Variants in EYS observed in about 807,000 individuals in gnomAD.
EYS encodes protein eyes shut homolog.
A neutral mutation model predicts 282.1 loss-of-function variants in EYS; 250 were observed. The ratio of observed to expected loss-of-function variants is 0.89; its 90% CI spans 0.80 to 0.98. The LOEUF (loss-of-function observed/expected upper bound fraction) is 0.98, where lower values mean the gene tolerates loss of function less well. Ranked by LOEUF, EYS falls within the 50% of genes least tolerant of loss-of-function variation. The probability of loss-of-function intolerance (pLI) is 0.00; values close to 1 mark genes in which losing one functional copy is unlikely to be tolerated. For synonymous variants in EYS, 1,355 were observed against 1,282.9 expected, an observed-to-expected ratio of 1.06 and a Z score of -1.20; for missense variants, 4,016 against 3,709.0, an observed-to-expected ratio of 1.08 and a Z score of -2.15.
intron 22 of EYS, among the ~76,000 whole-genome samples, chr6:64,766,118 G>A (rs1240892089): frequency 6.6e-6 from 1 of 151,090 alleles, no homozygotes; most frequent in African/African-American, 2.4e-5. Context: ...AGTAGAGATG[G>A]GGTTTCACCA....
At chr6:63,842,565 C>T (rs1019008833) in intron 36 of EYS, among the ~76,000 whole-genome samples, 8 of 152,238 alleles carry the variant, frequency 5.3e-5, no homozygotes, top group Admixed American at 1.3e-4. Context: ...GTTGCCTGTT[C>T]ACTCTGTTGA....
At chr6:64,388,246 C>G (rs1194977324) in intron 29 of EYS, among the ~76,000 whole-genome samples, 2 of 152,060 alleles carry the variant, frequency 1.3e-5, no homozygotes, top group Non-Finnish European at 2.9e-5. Flanking sequence ...GGGAAAAACT[C>G]TGTAATAAAT....
chr6:65,391,477 G>A (rs1034745954), intron 7 of EYS, among the ~76,000 whole-genome samples: 3 of 152,070 alleles, frequency 2.0e-5, no homozygotes, highest in Non-Finnish European at 4.4e-5. Context: ...CAAAGTCTCA[G>A]GATGCAAAAT....
rs556291700 is a variant in EYS, at chr6:65,487,962, A to C, written c.862+2632T>G. Among the ~76,000 whole-genome samples the C allele has an allele frequency of 2.4e-4, 37 of 152,248 alleles. 1 individual carries two copies. Among genetic ancestry groups the C allele is most frequent in the African/African-American group, 8.9e-4 (37 of 41,556 alleles). On this transcript the variant is annotated intron_variant, in intron 5 of 42. Transcript: ENST00000503581. ...TCTATATTTTCTAGTTTATTTGCAT[A>C]GAGGTGTTTATACTATTCTCTGATG...
chr6:64,559,521 AT>A (rs918349796), intron 26 of EYS, among the ~76,000 whole-genome samples: 31 of 152,118 alleles, frequency 2.0e-4, no homozygotes, highest in Admixed American at 5.9e-4. Context: ...ACAAAGTTAC[AT>A]TTTTTTGTGG....
At chr6:65,567,518 G>A (rs975924140) in intron 2 of EYS, among the ~76,000 whole-genome samples, 1 of 151,724 alleles carries the variant, frequency 6.6e-6, no homozygotes, top group Non-Finnish European at 1.5e-5. Flanking sequence ...TTTTAAATAA[G>A]GCCAGATGAT....
chr6:65,270,499 C>T (rs1279996631), intron 12 of EYS, among the ~76,000 whole-genome samples: 1 of 152,132 alleles, frequency 6.6e-6, no homozygotes, highest in Non-Finnish European at 1.5e-5. Flanking sequence ...AAAATACATC[C>T]TAACTGTTCT....
intron 2 of EYS, among the ~76,000 whole-genome samples, chr6:65,595,693 T>C (rs1444143458): frequency 6.6e-6 from 1 of 151,920 alleles, no homozygotes; most frequent in Non-Finnish European, 1.5e-5. Context: ...TTTATCTCTT[T>C]GGGAAATGTA....
chr6:65,574,503 C>G (rs1764590651), intron 2 of EYS, among the ~76,000 whole-genome samples: 1 of 152,098 alleles, frequency 6.6e-6, no homozygotes, highest in Non-Finnish European at 1.5e-5. Flanking sequence ...GTAAAATAAA[C>G]TTTAAGTAAA....
intron 29 of EYS, among the ~76,000 whole-genome samples, chr6:64,387,085 G>A (rs1261205576): frequency 1.3e-5 from 2 of 151,960 alleles, no homozygotes; most frequent in Non-Finnish European, 2.9e-5. Flanking sequence ...TGTTCTTTCT[G>A]CTCACTTCAT....
At chr6:65,100,545 CA>C (rs1167621926) in intron 12 of EYS, among the ~76,000 whole-genome samples, 4 of 150,068 alleles carry the variant, frequency 2.7e-5, no homozygotes, top group Admixed American at 6.7e-5. Context: ...CTAAAGGTAA[CA>C]AAAAAAGGAA....
chr6:65,366,186 G>C (rs896315716), intron 8 of EYS, among the ~76,000 whole-genome samples: 1 of 151,848 alleles, frequency 6.6e-6, no homozygotes, highest in African/African-American at 2.4e-5. Context: ...GGCTATTCCT[G>C]TCTGCGTTAG....
intron 22 of EYS, among the ~76,000 whole-genome samples, chr6:64,812,387 G>A (rs1214430075): frequency 1.3e-5 from 2 of 151,838 alleles, no homozygotes; most frequent in South Asian, 2.1e-4. Context: ...TATGCTAAAT[G>A]TAAGTTAATA....
At chr6:64,087,234 C>T (rs555348416) in intron 31 of EYS, among the ~76,000 whole-genome samples, 57 of 152,198 alleles carry the variant, frequency 3.7e-4, no homozygotes, top group African/African-American at 1.3e-3. Context: ...ATGAATTCAA[C>T]GCATTCAACA....
At chr6:64,541,750 T>C (rs1764700600) in intron 26 of EYS, among the ~76,000 whole-genome samples, 1 of 152,230 alleles carries the variant, frequency 6.6e-6, no homozygotes, top group Admixed American at 6.5e-5. Flanking sequence ...AGACATCATT[T>C]CTACATTTGT....
At chr6:64,619,701 G>T (rs1418681411) in intron 23 of EYS, among the ~76,000 whole-genome samples, 1 of 151,904 alleles carries the variant, frequency 6.6e-6, no homozygotes, top group Non-Finnish European at 1.5e-5. Context: ...TTGAGACAGG[G>T]TCTTGCACTG....
At chr6:64,651,535 A>T (rs181513137) in intron 22 of EYS, among the ~76,000 whole-genome samples, 12 of 152,264 alleles carry the variant, frequency 7.9e-5, no homozygotes, top group Admixed American at 6.5e-4. Flanking sequence ...ATATTCATAA[A>T]GGCTAGGCAC....
intron 22 of EYS, among the ~76,000 whole-genome samples, chr6:64,686,853 ATGTG>A (rs1562134055): frequency 5.1e-5 from 1 of 19,594 alleles, no homozygotes; most frequent in Non-Finnish European, 1.1e-4. Flanking sequence ...ATATATATAT[ATGTG>A]TATATATATA....
chr6:64,693,871 G>A (rs1770485371), intron 22 of EYS, among the ~76,000 whole-genome samples: 1 of 151,894 alleles, frequency 6.6e-6, no homozygotes, highest in African/African-American at 2.4e-5. Flanking sequence ...TCAAACTAAA[G>A]AATTATACTC....
Sources: gnomAD v4.1 joint callset for allele counts (sites outside exome capture counted in the v4.1 genomes callset) on GRCh38, gnomAD v4.1.1 for gene constraint, MANE v1.5 for transcripts, NCBI Gene and HGNC (gene_info 2026-07-23, HGNC 2026-07-21) for gene names.